The following OR51B5 variants were observed in gnomAD, a reference collection of about 807,000 sequenced individuals.
OR51B5 encodes olfactory receptor 51B5.
For synonymous variants in OR51B5, 186 were observed against 144.8 expected (o/e 1.28, Z -2.04); for missense variants, 456 against 374.6 (o/e 1.22, Z -1.79).
intron 1 of OR51B5, chr11:5,489,636 G>A (rs766618933): frequency 1.2e-6 from 2 of 1,613,184 alleles, no homozygotes; most frequent in Non-Finnish European, 1.7e-6. Flanking sequence ...TTCTAAAACT[G>A]CTTCACCTGG....
At chr11:5,390,155 T>C in intron 1 of OR51B5, 2 of 1,613,870 alleles carry the variant, frequency 1.2e-6, no homozygotes, top group Non-Finnish European at 1.7e-6. Context: ...CTTTCAGACA[T>C]GCACCGCTCC....
chr11:5,445,131 A>G (rs1850741873), intron 1 of OR51B5, among the ~76,000 whole-genome samples: 1 of 152,172 alleles, frequency 6.6e-6, no homozygotes, highest in Admixed American at 6.6e-5. Context: ...ACTATAATCT[A>G]TGTATTCGTA....
chr11:5,380,668 T>C (rs958875998), intron 1 of OR51B5, among the ~76,000 whole-genome samples: 1 of 152,170 alleles, frequency 6.6e-6, no homozygotes, highest in East Asian at 1.9e-4. Context: ...TCTGTAAAAA[T>C]CTGAAAAAGC....
chr11:5,453,363 C>A (rs796735267), intron 1 of OR51B5: 18 of 595,600 alleles, frequency 3.0e-5, no homozygotes, highest in African/African-American at 3.0e-4. Context: ...GCGTCAGTTT[C>A]CATTTATGTC....
intron 1 of OR51B5, among the ~76,000 whole-genome samples, chr11:5,463,871 A>C (rs1343119501): frequency 1.3e-5 from 2 of 152,190 alleles, no homozygotes; most frequent in Admixed American, 1.3e-4. Flanking sequence ...AAATGCTTTT[A>C]AATTCCTTCT....
intron 1 of OR51B5, among the ~76,000 whole-genome samples, chr11:5,416,597 A>G (rs1172920287): frequency 1.3e-5 from 2 of 151,294 alleles, no homozygotes; most frequent in East Asian, 2.0e-4. Flanking sequence ...TAGAAAATCA[A>G]TGTACAAAAA....
intron 1 of OR51B5, among the ~76,000 whole-genome samples, chr11:5,363,881 CCCAGCCCCCACTCAG>C (rs1297225330): frequency 6.6e-6 from 1 of 152,080 alleles, no homozygotes; most frequent in Admixed American, 6.5e-5. Flanking sequence ...CTTTGCAAAC[CCCAGCCCCCACTCAG>C]CATGACATGG....
chr11:5,478,107 C>T (rs57150323), intron 1 of OR51B5, among the ~76,000 whole-genome samples: 10,804 of 151,672 alleles, frequency 0.071, 757 homozygotes, highest in East Asian at 0.35. Context: ...ACTTCAATGT[C>T]CCTGTCTGAC....
chr11:5,382,994 G>A (rs2647550), intron 1 of OR51B5, among the ~76,000 whole-genome samples: 2 of 152,068 alleles, frequency 1.3e-5, no homozygotes, highest in South Asian at 2.1e-4. Context: ...GTGGTGGAGA[G>A]GTTGTGTGTG....
chr11:5,461,160 T>C (rs7932643), intron 1 of OR51B5, among the ~76,000 whole-genome samples: 46,413 of 152,004 alleles, frequency 0.31, 7,254 homozygotes, highest in East Asian at 0.43. Flanking sequence ...AGGGCCCTGG[T>C]GAGTGCATGC....
chr11:5,360,622 C>T (rs1312067329), intron 1 of OR51B5, among the ~76,000 whole-genome samples: 1 of 152,048 alleles, frequency 6.6e-6, no homozygotes, highest in Non-Finnish European at 1.5e-5. Flanking sequence ...ACCATTTGAC[C>T]CAGCCATCCC....
At chr11:5,368,544 C>G (rs978861718) in intron 1 of OR51B5, among the ~76,000 whole-genome samples, 25 of 152,140 alleles carry the variant, frequency 1.6e-4, no homozygotes, top group African/African-American at 5.8e-4. Flanking sequence ...CTCTGTCTAG[C>G]TCTGACAAAG....
chr11:5,497,060 A>G (rs67920727), intron 1 of OR51B5, among the ~76,000 whole-genome samples: 140,186 of 150,156 alleles, frequency 0.93, 65,736 homozygotes, highest in East Asian at 1. Context: ...AAAAAAAAAA[A>G]AAAAAGAGAG....
intron 1 of OR51B5, among the ~76,000 whole-genome samples, chr11:5,448,358 C>A (rs528352762): frequency 6.6e-6 from 1 of 152,094 alleles, no homozygotes; most frequent in Non-Finnish European, 1.5e-5. Flanking sequence ...GATAAACGTA[C>A]CTTTCTGCTC....
chr11:5,463,084 C>T (rs11037569), intron 1 of OR51B5, among the ~76,000 whole-genome samples: 14,920 of 152,206 alleles, frequency 0.098, 927 homozygotes, highest in East Asian at 0.2. Context: ...TGGTTTCATT[C>T]ATATGTATAA....
At chr11:5,349,040 G>A (rs10837877) in intron 1 of OR51B5, among the ~76,000 whole-genome samples, 76,102 of 151,708 alleles carry the variant, frequency 0.5, 19,465 homozygotes, top group Middle Eastern at 0.65. Flanking sequence ...CAGTTTATGC[G>A]GCAGAGTTTG....
intron 1 of OR51B5, among the ~76,000 whole-genome samples, chr11:5,370,902 G>A (rs1316056015): frequency 2.0e-5 from 3 of 152,276 alleles, no homozygotes; most frequent in African/African-American, 7.2e-5. Flanking sequence ...AGTTGTAGAG[G>A]CAAAAGAAGT....
chr11:5,393,191 G>C (rs543562314), intron 1 of OR51B5: 1 of 152,094 alleles, frequency 6.6e-6, no homozygotes, highest in Non-Finnish European at 1.5e-5. Context: ...TCCTAGGTCA[G>C]TGATCAATAA....
intron 1 of OR51B5, among the ~76,000 whole-genome samples, chr11:5,388,732 A>G (rs574232473): frequency 6.6e-6 from 1 of 152,174 alleles, no homozygotes; most frequent in South Asian, 2.1e-4. Flanking sequence ...CTTGCTATAT[A>G]GTAGTCAACT....
Sources: gnomAD v4.1 joint callset for allele counts (sites outside exome capture counted in the v4.1 genomes callset) on GRCh38, gnomAD v4.1.1 for gene constraint, MANE v1.5 for transcripts, NCBI Gene and HGNC (gene_info 2026-07-23, HGNC 2026-07-21) for gene names.